The following WDR7 variants were observed in gnomAD, a reference collection of about 807,000 sequenced individuals.
WDR7 encodes the protein WD repeat domain 7.
Under a neutral mutation model 169.4 loss-of-function variants are expected in WDR7, and 46 were observed. That is an observed-to-expected ratio of 0.27 (90% CI 0.21 to 0.35). The LOEUF (loss-of-function observed/expected upper bound fraction) is 0.35. Ranked by LOEUF, WDR7 falls within the 10% of genes least tolerant of loss-of-function variation. WDR7 has a pLI of 1.00. For missense variants in WDR7, 1,534 were observed against 1,859.3 expected (o/e 0.83, Z 3.22); for synonymous variants, 612 against 666.8 (o/e 0.92, Z 1.27).
At chr18:56,891,808 C>T (rs2046267294) in intron 21 of WDR7, among the ~76,000 whole-genome samples, 2 of 152,150 alleles carry the variant, frequency 1.3e-5, no homozygotes, top group African/African-American at 4.8e-5. Context: ...TCTTTGGCCA[C>T]ATTATCATAC....
Position 56,924,032 on chromosome 18 carries a change from G to A in WDR7, c.3637G>A (p.Glu1213Lys), listed in dbSNP as rs1323648958. Residue 1213 changes from glutamate (E) to lysine (K), a missense_variant, in exon 22 of 28, where the codon GAG becomes AAG. Transcript: ENST00000254442. ...DLIGRGFTVW[E>K]PYMDVSAVLM... Reference sequence around the variant, plus strand: ...GATTGGACGTGGGTTCACTGTTTGGGAGCCTTACATGGATGTGTCCGCTGT... The same window carrying A: ...GATTGGACGTGGGTTCACTGTTTGGAAGCCTTACATGGATGTGTCCGCTGT... The A allele has an allele frequency of 6.2e-7, 1 of 1,612,796 alleles. No homozygotes were observed. Among genetic ancestry groups the A allele is most frequent in the Non-Finnish European group, 8.5e-7 (1 of 1,179,618 alleles).
At chr18:56,903,392 G>C (rs2046430200) in intron 21 of WDR7, among the ~76,000 whole-genome samples, 1 of 151,814 alleles carries the variant, frequency 6.6e-6, no homozygotes, top group African/African-American at 2.4e-5. Context: ...TGGTATATTT[G>C]TTTTTCATTT....
chr18:56,843,702 T>G (rs560518926), intron 20 of WDR7, among the ~76,000 whole-genome samples: 3 of 152,288 alleles, frequency 2.0e-5, no homozygotes, highest in Non-Finnish European at 2.9e-5. Flanking sequence ...AGGATTGGAT[T>G]TGTTGTAATA....
intron 26 of WDR7, among the ~76,000 whole-genome samples, chr18:57,011,890 A>T (rs548275284): frequency 6.6e-6 from 1 of 152,380 alleles, no homozygotes; most frequent in East Asian, 1.9e-4. Context: ...GTCCCAAGTG[A>T]GAAAGAAACA....
Position 57,027,295 on chromosome 18 carries a change from C to G in WDR7, c.*88C>G. The stretch of plus-strand genomic sequence containing the variant: ...TGTCCTTCCTCACACCAGATTGTTC[C>G]CAGGGGCCTGCCCACCCCAGTGCCA... On this transcript the variant is annotated 3_prime_UTR_variant, in exon 28 of 28. Transcript: ENST00000254442. 5 of 1,482,534 alleles carry G rather than the reference C, an allele frequency of 3.4e-6. No individual in the cohort carries two copies. The highest frequency in any genetic ancestry group is 4.5e-6 in the Non-Finnish European group (5 of 1,108,028). 91.8% of individuals were successfully genotyped at this position (1,482,534 alleles called of 1,614,324 possible). A position where few individuals can be genotyped will look rare whatever the true frequency, so the allele number is the denominator to read the frequency against.
At chr18:56,792,146 T>G (rs73434874) in intron 19 of WDR7, among the ~76,000 whole-genome samples, 209 of 152,264 alleles carry the variant, frequency 1.4e-3, no homozygotes, top group African/African-American at 4.9e-3. Context: ...GCCTTCCACG[T>G]AGCTGGGACC....
chr18:56,967,371 T>G (rs1273455153), intron 26 of WDR7, among the ~76,000 whole-genome samples: 1 of 152,102 alleles, frequency 6.6e-6, no homozygotes, highest in Non-Finnish European at 1.5e-5. Context: ...GCCAGCAATT[T>G]AGGAACATAC....
chr18:56,744,767 AGGTTCCCAGAT>A (rs1368850207), intron 14 of WDR7, among the ~76,000 whole-genome samples: 4 of 152,166 alleles, frequency 2.6e-5, no homozygotes, highest in Admixed American at 2.6e-4. Flanking sequence ...GAGGTTTCAA[AGGTTCCCAGAT>A]GGTTCCCACC....
At chr18:56,732,731 T>C (rs2026614002) in intron 14 of WDR7, among the ~76,000 whole-genome samples, 1 of 152,210 alleles carries the variant, frequency 6.6e-6, no homozygotes, top group Non-Finnish European at 1.5e-5. Flanking sequence ...ACCCTAAAGT[T>C]TGTGAAGAAA....
Position 56,686,913 on chromosome 18 carries a change from G to A in WDR7, c.656G>A (p.Ser219Asn). 2 of 1,611,348 alleles carry A rather than the reference G, an allele frequency of 1.2e-6. No individual in the cohort carries two copies. Among genetic ancestry groups the A allele is most frequent in the Non-Finnish European group, 1.7e-6 (2 of 1,177,776 alleles). Reference protein sequence around the residue: ...SKPIYCQNCQSISFCAFTQRS... With the variant: ...SKPIYCQNCQNISFCAFTQRS... The stretch of plus-strand genomic sequence containing the variant: ...CCAATTTATTGTCAGAATTGCCAAA[G>A]CATCTCTTTTTGTGCATTTACACAA... Residue 219 changes from serine (S) to asparagine (N), a missense_variant, in exon 7 of 28, where the codon AGC (serine) becomes AAC (asparagine). Coordinates refer to ENST00000254442, the MANE Select transcript of WDR7 (RefSeq NM_015285.3).
intron 12 of WDR7, among the ~76,000 whole-genome samples, chr18:56,706,374 A>G (rs1360968654): frequency 6.6e-6 from 1 of 152,216 alleles, no homozygotes; most frequent in Non-Finnish European, 1.5e-5. Context: ...AGCTTGAAAT[A>G]ATGGAACCGT....
chr18:56,939,551 A>G lies in WDR7; in HGVS notation c.4064+158A>G, dbSNP rs558749166. ...AAACAATATGGGCAGGTTACAGTTA[A>G]AAACAAAAATATAGTAGAGTTAGCT... On this transcript the variant is annotated intron_variant, in intron 25 of 27. Coordinates refer to ENST00000254442, the MANE Select transcript of WDR7 (RefSeq NM_015285.3). Among the ~76,000 whole-genome samples, 9 of 152,292 alleles carry G rather than the reference A, an allele frequency of 5.9e-5. No individual in the cohort carries two copies. In the South Asian group the frequency reaches 1.9e-3, roughly 32 times the overall value.
intron 21 of WDR7, among the ~76,000 whole-genome samples, chr18:56,905,955 T>C (rs1262459985): frequency 1.3e-5 from 2 of 152,144 alleles, no homozygotes; most frequent in African/African-American, 4.8e-5. Context: ...CTCAGCATAA[T>C]CAAATGGTTG....
intron 12 of WDR7, among the ~76,000 whole-genome samples, chr18:56,709,137 A>G (rs897989735): frequency 6.6e-6 from 1 of 152,234 alleles, no homozygotes; most frequent in Non-Finnish European, 1.5e-5. Context: ...GAAGCTGGCC[A>G]TTGAGGAGTT....
At chr18:56,817,224 C>G (rs1051780448) in intron 20 of WDR7, among the ~76,000 whole-genome samples, 1 of 151,428 alleles carries the variant, frequency 6.6e-6, no homozygotes, top group South Asian at 2.1e-4. Flanking sequence ...GGGCGCCTGT[C>G]ATTCCAGCTA....
intron 12 of WDR7, among the ~76,000 whole-genome samples, chr18:56,707,850 AG>A (rs1344458427): frequency 6.6e-6 from 1 of 152,130 alleles, no homozygotes; most frequent in African/African-American, 2.4e-5. Context: ...CAAAACAAAG[AG>A]GTGCTTTTAG....
intron 19 of WDR7, among the ~76,000 whole-genome samples, chr18:56,795,794 G>T (rs1210173893): frequency 2.6e-5 from 4 of 151,998 alleles, no homozygotes; most frequent in East Asian, 1.9e-4. Context: ...TCTTCTTAGG[G>T]TATAAACCAC....
chr18:56,878,786 C>G (rs2046064440), intron 20 of WDR7, among the ~76,000 whole-genome samples: 1 of 152,190 alleles, frequency 6.6e-6, no homozygotes. Flanking sequence ...CTATTCTAAA[C>G]ATTTCATATA....
At position 56,738,488 on chromosome 18, in the gene WDR7, G is replaced by C. The variant is rs1004573722; in HGVS notation, c.1989+6891G>C. On this transcript the variant is annotated intron_variant, in intron 14 of 27. Transcript: ENST00000254442. ...TGGGAGGATTGCTTGAGCCCAGGAG[G>C]TTGAGGCTGCATTGAGCTGAGATCA... Among the ~76,000 whole-genome samples, 7 of 152,268 alleles carry C rather than the reference G, an allele frequency of 4.6e-5. No homozygotes were observed. In the East Asian group the frequency reaches 1.4e-3, roughly 29 times the overall value.
Sources: allele counts gnomAD v4.1 joint callset (sites outside exome capture counted in the v4.1 genomes callset), GRCh38; gene constraint gnomAD v4.1.1; transcripts MANE v1.5; gene names NCBI Gene and HGNC (gene_info 2026-07-23, HGNC 2026-07-21).